C18orf54: variants seen among roughly 807,000 people sequenced by gnomAD.
The protein encoded by C18orf54 is chromosome 18 open reading frame 54, also known as lung adenoma susceptibility protein 2.
A neutral mutation model predicts 49.3 loss-of-function variants in C18orf54; 49 were observed. The observed-to-expected ratio is 0.99, with a 90% confidence interval of 0.79 to 1.26. The LOEUF is 1.26. Among genes scored for constraint, C18orf54 ranks in the 50% most tolerant of loss-of-function variants. The probability of loss-of-function intolerance (pLI) is 0.00; values close to 1 mark genes in which losing one functional copy is unlikely to be tolerated. For missense variants in C18orf54, 687 were observed against 620.6 expected (o/e 1.11, Z -1.14); for synonymous variants, 211 against 216.6 (o/e 0.97, Z 0.23).
In C18orf54 at chr18:54,372,472, ACTCT is replaced by A. The variant is rs2089502897; in HGVS notation, c.1338_1341del (p.Ser447GlufsTer11). Reference sequence around the variant, plus strand: ...TCATCTGTTTTAACCTTAGAGCTGTACTCTCTCTGGAGGCAAACATCATGGTCCT... The same window carrying A: ...TCATCTGTTTTAACCTTAGAGCTGTACTCTGGAGGCAAACATCATGGTCCT... On this transcript the variant is annotated frameshift_variant, in exon 7 of 9. Coordinates refer to ENST00000620105, the MANE Select transcript of C18orf54 (RefSeq NM_001288980.2). LOFTEE classifies it high-confidence loss of function. 1 of 1,605,168 alleles carries A rather than the reference ACTCT, an allele frequency of 6.2e-7. No homozygotes were observed. The highest frequency in any genetic ancestry group is 1.7e-5 in the Admixed American group (1 of 59,158).
intron 6 of C18orf54, among the ~76,000 whole-genome samples, chr18:54,370,431 A>G (rs2089466160): frequency 6.6e-6 from 1 of 152,228 alleles, no homozygotes; most frequent in Non-Finnish European, 1.5e-5. Context: ...ATAATCAGGT[A>G]CTTGAACTTC....
At chr18:54,372,095 C>G (rs969771663) in intron 6 of C18orf54, among the ~76,000 whole-genome samples, 1 of 151,950 alleles carries the variant, frequency 6.6e-6, no homozygotes, top group African/African-American at 2.4e-5. Flanking sequence ...AAATTTTAGT[C>G]CTTGATCAGC....
rs2089276155 is a variant in C18orf54, at chr18:54,361,808, A to G, written c.449A>G (p.Lys150Arg). The G allele has an allele frequency of 1.2e-6, 2 of 1,614,120 alleles. No homozygotes were observed. The part of the protein sequence containing the change: ...TYVGPSHRTS[K>R]KNKKCRGRLG... The stretch of plus-strand genomic sequence containing the variant: ...GTTGGACCGAGTCACCGAACGAGCA[A>G]GAAAAACAAGAAATGCCGTGGAAGA... The change falls in exon 4 of 9, where the codon AAG becomes AGG. Residue 150 changes from lysine (K) to arginine (R), a missense_variant. Physicochemically the swap from Lys to Arg is conservative, Grantham distance 26. Transcript: ENST00000620105.
intron 8 of C18orf54, among the ~76,000 whole-genome samples, chr18:54,377,324 A>G (rs2089593111): frequency 6.6e-6 from 1 of 152,164 alleles, no homozygotes; most frequent in Admixed American, 6.5e-5. Flanking sequence ...AAGTGCATGG[A>G]TTACAGGCGT....
intron 7 of C18orf54, among the ~76,000 whole-genome samples, chr18:54,373,575 T>C (rs940291535): frequency 6.6e-6 from 1 of 151,878 alleles, no homozygotes; most frequent in African/African-American, 2.4e-5. Flanking sequence ...ATTCTACATA[T>C]AAGTGAGATT....
chr18:54,371,452 G>A (rs2089485247), intron 6 of C18orf54, among the ~76,000 whole-genome samples: 1 of 152,050 alleles, frequency 6.6e-6, no homozygotes. Context: ...TTGTGAACAT[G>A]GGTATACAAA....
chr18:54,376,824 T>C (rs1331982277), intron 8 of C18orf54, among the ~76,000 whole-genome samples: 1 of 152,198 alleles, frequency 6.6e-6, no homozygotes, highest in African/African-American at 2.4e-5. Flanking sequence ...GAAATAGATA[T>C]ACATGCAGTA....
chr18:54,381,995 A>T lies in C18orf54; in HGVS notation c.*3749A>T, dbSNP rs1399093461. 2 of 152,218 alleles carry T rather than the reference A, an allele frequency of 1.3e-5. No homozygotes were observed. The highest frequency in any genetic ancestry group is 4.8e-5 in the African/African-American group (2 of 41,468). 9.4% of individuals were successfully genotyped at this position (152,218 alleles called of 1,614,324 possible). ...ATTCTAAACCTGGTTTCCTATATAA[A>T]GTTGTAAGTTCAAGATAAAGAGACC... On this transcript the variant is annotated 3_prime_UTR_variant, in exon 9 of 9. Transcript: ENST00000620105.
In C18orf54 at chr18:54,370,202, A is replaced by G. The variant is rs528548401; in HGVS notation, c.1327-2264A>G. The stretch of plus-strand genomic sequence containing the variant: ...TGAGGCAGGAGAATGATGTGAACCC[A>G]GGAGGCGGAGCTTGCAGTGAGCCAA... On this transcript the variant is annotated intron_variant, in intron 6 of 8. Coordinates refer to ENST00000620105, the MANE Select transcript of C18orf54 (RefSeq NM_001288980.2). Among the ~76,000 whole-genome samples the G allele has an allele frequency of 3.3e-5, 5 of 151,156 alleles. No homozygotes were observed. The East Asian group carries it at 9.8e-4, about 30-fold the overall frequency.
In C18orf54 at chr18:54,380,344, C is replaced by T. The variant is rs1429307033; in HGVS notation, c.*2098C>T. On this transcript the variant is annotated 3_prime_UTR_variant, in exon 9 of 9. Transcript: ENST00000620105. ...TTGTGAATGTAAAATTTTTATCAAT[C>T]CTTTGCTCTCTTTTAGACATATTGA... The T allele has an allele frequency of 1.3e-5, 2 of 149,306 alleles. No homozygotes were observed. The highest frequency in any genetic ancestry group is 3.0e-5 in the Non-Finnish European group (2 of 66,612). The allele number at this position is 149,306 out of a possible 1,614,324, so 9.2% of individuals were successfully genotyped here. A position where few individuals can be genotyped will look rare whatever the true frequency, so the allele number is the denominator to read the frequency against.
At chr18:54,362,605 T>C (rs1335540436) in intron 4 of C18orf54, among the ~76,000 whole-genome samples, 166 bp from the exon 5 acceptor site, 1 of 152,252 alleles carries the variant, frequency 6.6e-6, no homozygotes, top group Non-Finnish European at 1.5e-5. Context: ...AAAATGTCTT[T>C]TCTCCCATTT....
chr18:54,361,964 C>G lies in C18orf54; in HGVS notation c.605C>G (p.Pro202Arg). 6.2e-7 allele frequency: 1 copy of G among 1,613,888 alleles called. No homozygotes were observed. Among genetic ancestry groups the G allele is most frequent in the East Asian group, 2.2e-5 (1 of 44,824 alleles). Residue 202 changes from proline to arginine, a missense_variant, in exon 4 of 9, where the codon CCA becomes CGA. Physicochemically the swap from Pro to Arg is moderately radical, Grantham distance 103. Transcript: ENST00000620105. Reference protein sequence around the residue: ...NGKQCGRLKNPKLMNRTNNCI... With the variant: ...NGKQCGRLKNRKLMNRTNNCI... ...AAGCAATGTGGTAGGCTGAAAAACC[C>G]AAAACTTATGAATAGGACTAATAAT...
chr18:54,363,029 T>C, intron 5 of C18orf54, 108 bp downstream of exon 5: 1 of 1,079,802 alleles, frequency 9.3e-7, no homozygotes. Context: ...TGTAACTCCA[T>C]AGAACATAGC....
chr18:54,372,705 C>T, intron 7 of C18orf54, 108 bp downstream of exon 7: 1 of 1,019,238 alleles, frequency 9.8e-7, no homozygotes. Context: ...AAGCATGCCA[C>T]ATTACACATG....
intron 5 of C18orf54, among the ~76,000 whole-genome samples, chr18:54,364,750 A>G (rs772198711): frequency 3.9e-5 from 6 of 152,114 alleles, no homozygotes; most frequent in Non-Finnish European, 7.4e-5. Context: ...GGGTGGCTCT[A>G]CAAAGTGTTA....
rs1198981470 is a variant in C18orf54 at position 54,365,803 on chromosome 18, T to C, written c.1308T>C (p.Phe436=). ...GTGCTAAAGGGGTTCTTGAAGACTT[T>C]CTAAATAATGATAATCAGGTGGGTG... The part of the protein sequence containing the change: ...AKSAKGVLED[F]LNNDNQSCTL... The change falls in exon 6 of 9, where the codon TTT becomes TTC. Residue 436 remains phenylalanine (F), a synonymous_variant. Coordinates refer to ENST00000620105, the MANE Select transcript of C18orf54 (RefSeq NM_001288980.2). 4 of 1,576,256 alleles carry C rather than the reference T, an allele frequency of 2.5e-6. No homozygotes were observed. The highest frequency in any genetic ancestry group is 2.6e-6 in the Non-Finnish European group (3 of 1,154,504).
intron 6 of C18orf54, among the ~76,000 whole-genome samples, chr18:54,368,705 T>G (rs2089431094): frequency 6.6e-6 from 1 of 152,154 alleles, no homozygotes; most frequent in Non-Finnish European, 1.5e-5. Flanking sequence ...TAAAGCACTT[T>G]GAGACTTTGC....
At chr18:54,372,390 A>G (rs2089501189) in intron 6 of C18orf54, 76 bp from the exon 7 acceptor site, 1 of 1,261,134 alleles carries the variant, frequency 7.9e-7, no homozygotes, top group Non-Finnish European at 1.0e-6. Context: ...CTATTGGGGA[A>G]ATTAATACAA....
chr18:54,376,882 A>T (rs1168026261), intron 8 of C18orf54, among the ~76,000 whole-genome samples: 2 of 152,202 alleles, frequency 1.3e-5, no homozygotes, highest in Non-Finnish European at 2.9e-5. Flanking sequence ...GGTAAAGTGG[A>T]AGATGCAGTT....
Sources: gnomAD v4.1 joint callset for allele counts (sites outside exome capture counted in the v4.1 genomes callset) on GRCh38, gnomAD v4.1.1 for gene constraint, MANE v1.5 for transcripts, NCBI Gene and HGNC (gene_info 2026-07-23, HGNC 2026-07-21) for gene names.